STAU2: variants seen among roughly 807,000 people sequenced by gnomAD.
The protein encoded by STAU2 is double-stranded RNA-binding protein Staufen homolog 2.
STAU2 carries 20 observed loss-of-function variants against 65.9 expected under a neutral mutation model. The ratio of observed to expected loss-of-function variants is 0.30; its 90% CI spans 0.21 to 0.44. STAU2 has a LOEUF of 0.44. Among genes scored for constraint, STAU2 ranks in the 20% least tolerant of loss-of-function variants. The pLI is 1.00. For synonymous variants in STAU2, 232 were observed against 233.9 expected (o/e 0.99, Z 0.07); for missense variants, 558 against 683.9 (o/e 0.82, Z 2.05).
At chr8:73,561,558 A>C (rs1205167824) in intron 12 of STAU2, 2 of 454,990 alleles carry the variant, frequency 4.4e-6, no homozygotes, top group East Asian at 7.0e-5. Flanking sequence ...GAAAAACACC[A>C]AAAAATGGAT....
At chr8:73,563,112 A>C (rs973891481) in intron 12 of STAU2, among the ~76,000 whole-genome samples, 1 of 152,184 alleles carries the variant, frequency 6.6e-6, no homozygotes, top group African/African-American at 2.4e-5. Flanking sequence ...ACACAAAAAA[A>C]CCTGTTCTCC....
chr8:73,669,142 G>A (rs932943778), intron 6 of STAU2: 2 of 701,072 alleles, frequency 2.9e-6, no homozygotes, highest in African/African-American at 3.5e-5. Flanking sequence ...AGAAATCATG[G>A]TTGTAACAGC....
rs115343060 is a variant in STAU2, at chr8:73,429,179, G to A, written c.1531-6477C>T. ...CAATTTATAAGAGGCAGTGGTGACC[G>A]ATTTATCTTAACCTATGTAAACAGT... On this transcript the variant is annotated intron_variant, in intron 13 of 14. Coordinates refer to ENST00000524300, the MANE Select transcript of STAU2 (RefSeq NM_001164380.2). Among the ~76,000 whole-genome samples, 460 of 152,234 alleles carry A rather than the reference G, an allele frequency of 3.0e-3. 4 individuals are homozygous for A. The highest frequency in any genetic ancestry group is 0.01 in the African/African-American group (436 of 41,542).
At chr8:73,649,874 TATATATATATATATATA>T (rs1815719192) in intron 6 of STAU2, among the ~76,000 whole-genome samples, 10 of 112,988 alleles carry the variant, frequency 8.9e-5, no homozygotes, top group Admixed American at 4.1e-4. Context: ...TAATTTTATA[TATATATATATATATATA>T]TATATATATA....
At chr8:73,719,359 C>T (rs369082610) in intron 3 of STAU2, among the ~76,000 whole-genome samples, 2 of 151,882 alleles carry the variant, frequency 1.3e-5, no homozygotes, top group African/African-American at 2.4e-5. Flanking sequence ...GAGCCGAGAT[C>T]GTGCCACTTC....
intron 4 of STAU2, among the ~76,000 whole-genome samples, chr8:73,707,905 G>T (rs1356353680): frequency 2.0e-5 from 3 of 151,918 alleles, no homozygotes; most frequent in Non-Finnish European, 4.4e-5. Context: ...GCTCAACAAT[G>T]AGTAAGGGCA....
At chr8:73,546,495 A>G (rs968914941) in intron 13 of STAU2, among the ~76,000 whole-genome samples, 2 of 152,200 alleles carry the variant, frequency 1.3e-5, no homozygotes, top group Non-Finnish European at 2.9e-5. Flanking sequence ...ATTCTGAAAT[A>G]ATATATGTAA....
intron 13 of STAU2, among the ~76,000 whole-genome samples, chr8:73,548,164 A>G (rs868374457): frequency 4.1e-4 from 62 of 152,122 alleles, no homozygotes; most frequent in Admixed American, 1.4e-3. Flanking sequence ...GTGTATGTAC[A>G]TGCATTATTT....
intron 13 of STAU2, among the ~76,000 whole-genome samples, chr8:73,509,915 T>A (rs1822291961): frequency 1.3e-5 from 2 of 152,202 alleles, no homozygotes; most frequent in South Asian, 4.1e-4. Flanking sequence ...TCTGTTGGCA[T>A]AAAACTGTTA....
intron 11 of STAU2, among the ~76,000 whole-genome samples, chr8:73,583,658 AAAAAAAAT>A (rs1190730723): frequency 5.5e-5 from 8 of 146,302 alleles, no homozygotes; most frequent in Non-Finnish European, 8.9e-5. Context: ...ATACAAATAT[AAAAAAAAT>A]AAAAAAATAA....
At chr8:73,611,247 T>TAC (rs1347516111) in intron 9 of STAU2, among the ~76,000 whole-genome samples, 2 of 152,240 alleles carry the variant, frequency 1.3e-5, no homozygotes, top group Non-Finnish European at 2.9e-5. Context: ...CAACTCATTA[T>TAC]ACACATGTTG....
chr8:73,481,528 A>AAAAACCAAAAAAAACC (rs1554595570), intron 13 of STAU2, among the ~76,000 whole-genome samples: 1 of 145,450 alleles, frequency 6.9e-6, no homozygotes. Context: ...AAAAAAAAAA[A>AAAAACCAAAAAAAACC]CACTTTTTTT....
chr8:73,710,103 T>C (rs963618400), intron 3 of STAU2, among the ~76,000 whole-genome samples: 2 of 152,108 alleles, frequency 1.3e-5, no homozygotes, highest in African/African-American at 4.8e-5. Context: ...GCTCTCAAAA[T>C]GACTGTACCA....
chr8:73,716,262 G>C (rs1249866770), intron 3 of STAU2, among the ~76,000 whole-genome samples: 2 of 152,000 alleles, frequency 1.3e-5, no homozygotes, highest in Non-Finnish European at 2.9e-5. Context: ...CTAATTTTTT[G>C]TATTTTTAGT....
intron 13 of STAU2, among the ~76,000 whole-genome samples, chr8:73,452,594 G>C (rs1449527840): frequency 6.6e-6 from 1 of 152,226 alleles, no homozygotes; most frequent in Non-Finnish European, 1.5e-5. Context: ...CTAAACGTCT[G>C]TGCCTTAAGC....
intron 13 of STAU2, among the ~76,000 whole-genome samples, chr8:73,508,143 T>C (rs934257459): frequency 2.0e-5 from 3 of 152,240 alleles, no homozygotes; most frequent in Non-Finnish European, 4.4e-5. Flanking sequence ...AGAGCTTTTC[T>C]TCTGTACCCA....
chr8:73,465,630 T>C, intron 13 of STAU2, among the ~76,000 whole-genome samples: 1 of 152,230 alleles, frequency 6.6e-6, no homozygotes, highest in South Asian at 2.1e-4. Context: ...TTGTGACTGA[T>C]GCTGAACACC....
chr8:73,492,106 G>A (rs1821181229), intron 13 of STAU2, among the ~76,000 whole-genome samples: 1 of 151,760 alleles, frequency 6.6e-6, no homozygotes, highest in African/African-American at 2.4e-5. Context: ...GTACCAAGAT[G>A]TGTTTTCTAC....
intron 13 of STAU2, among the ~76,000 whole-genome samples, chr8:73,461,459 A>G (rs1263210408): frequency 6.6e-6 from 1 of 152,112 alleles, no homozygotes; most frequent in Non-Finnish European, 1.5e-5. Context: ...TTATTGGATA[A>G]GCAGTGGAAG....
Sources: allele counts gnomAD v4.1 joint callset (sites outside exome capture counted in the v4.1 genomes callset), GRCh38; gene constraint gnomAD v4.1.1; transcripts MANE v1.5; gene names NCBI Gene and HGNC (gene_info 2026-07-23, HGNC 2026-07-21).